GRID1: variants seen among roughly 807,000 people sequenced by gnomAD.
GRID1 encodes glutamate receptor ionotropic, delta-1.
In GRID1, 28 loss-of-function variants were observed where a neutral mutation model predicts 98.0. The observed-to-expected ratio is 0.29, with a 90% CI of 0.21 to 0.39. The LOEUF (loss-of-function observed/expected upper bound fraction) is 0.39. Ranked by LOEUF, GRID1 falls within the 10% of genes least tolerant of loss-of-function variation. The pLI is 1.00. For missense variants in GRID1, 1,111 were observed against 1,340.5 expected, an observed-to-expected ratio of 0.83 and a Z score of 2.67; for synonymous variants, 553 against 538.5, an observed-to-expected ratio of 1.03 and a Z score of -0.37.
At chr10:85,806,995 T>C (rs1842628405) in intron 8 of GRID1, among the ~76,000 whole-genome samples, 2 of 152,146 alleles carry the variant, frequency 1.3e-5, no homozygotes, top group Non-Finnish European at 2.9e-5. Context: ...TACCTTGGAT[T>C]CAGACAAATA....
At chr10:86,132,072 G>T (rs1161003128) in intron 4 of GRID1, among the ~76,000 whole-genome samples, 1 of 152,188 alleles carries the variant, frequency 6.6e-6, no homozygotes, top group Admixed American at 6.5e-5. Context: ...TCAGGAGGCA[G>T]CAGGCTCTGA....
chr10:85,680,382 T>C (rs534806836), intron 12 of GRID1, among the ~76,000 whole-genome samples: 2 of 152,308 alleles, frequency 1.3e-5, no homozygotes, highest in East Asian at 3.9e-4. Flanking sequence ...ACGCAGCTCA[T>C]CTTCCCAAAG....
chr10:86,156,899 G>T (rs984384472), intron 3 of GRID1, among the ~76,000 whole-genome samples: 14 of 152,184 alleles, frequency 9.2e-5, no homozygotes, highest in Non-Finnish European at 2.1e-4. Context: ...GACAAGAGTG[G>T]GAGGTGTGGC....
In GRID1 at chr10:86,300,176, A is replaced by G. The variant is rs540181719; in HGVS notation, c.235+63765T>C. ...AAAATGGGGGATGCATCTACAAGCC[A>G]AAGAAAGCTACGGCACACCAGAAGC... On this transcript the variant is annotated intron_variant, in intron 2 of 15. Coordinates refer to ENST00000327946, the MANE Select transcript of GRID1 (RefSeq NM_017551.3). 3.3e-5 allele frequency among the ~76,000 whole-genome samples: 5 copies of G among 152,202 alleles called. No homozygotes were observed. The East Asian group carries it at 9.7e-4, about 30-fold the overall frequency.
At chr10:85,720,840 G>A (rs546492183) in intron 12 of GRID1, among the ~76,000 whole-genome samples, 15 of 152,236 alleles carry the variant, frequency 9.9e-5, no homozygotes, top group East Asian at 1.9e-4. Flanking sequence ...AGCGTGATTC[G>A]TGAAATAAAT....
chr10:85,953,565 C>A (rs563083430), intron 4 of GRID1, among the ~76,000 whole-genome samples: 1 of 152,302 alleles, frequency 6.6e-6, no homozygotes, highest in Non-Finnish European at 1.5e-5. Flanking sequence ...AACTTCCAGA[C>A]TATGTATAAC....
intron 12 of GRID1, among the ~76,000 whole-genome samples, chr10:85,649,223 G>A (rs1843234713): frequency 1.3e-5 from 2 of 152,282 alleles, no homozygotes; most frequent in South Asian, 2.1e-4. Context: ...CACACAGAAG[G>A]CCCAGCTGTG....
chr10:85,891,426 A>T (rs1841198817), intron 5 of GRID1, among the ~76,000 whole-genome samples: 1 of 152,184 alleles, frequency 6.6e-6, no homozygotes, highest in Admixed American at 6.6e-5. Context: ...AAAAACATAC[A>T]TTCAGAAGGA....
chr10:86,225,838 A>G (rs1846333213), intron 2 of GRID1, among the ~76,000 whole-genome samples: 1 of 152,168 alleles, frequency 6.6e-6, no homozygotes, highest in East Asian at 1.9e-4. Context: ...CCTCAAGCCA[A>G]TGTGCCCTCA....
chr10:85,803,042 G>T (rs772920294), intron 8 of GRID1, among the ~76,000 whole-genome samples: 1 of 152,072 alleles, frequency 6.6e-6, no homozygotes, highest in Admixed American at 6.6e-5. Flanking sequence ...CTGGACAAGA[G>T]GTTGGTTGCC....
chr10:86,014,824 G>C (rs1020585817), intron 4 of GRID1, among the ~76,000 whole-genome samples: 7 of 152,154 alleles, frequency 4.6e-5, no homozygotes, highest in African/African-American at 1.4e-4. Context: ...TGGCCACGCT[G>C]GCCTCTTATC....
intron 4 of GRID1, among the ~76,000 whole-genome samples, chr10:86,129,079 G>T (rs1844797799): frequency 6.6e-6 from 1 of 152,182 alleles, no homozygotes; most frequent in African/African-American, 2.4e-5. Context: ...TATATAAAAT[G>T]TCCTCAGACT....
chr10:85,807,671 A>C (rs1189301273), intron 8 of GRID1, among the ~76,000 whole-genome samples: 2 of 152,190 alleles, frequency 1.3e-5, no homozygotes, highest in East Asian at 3.8e-4. Flanking sequence ...CATGATCAAA[A>C]TGTGATACTA....
chr10:86,264,658 T>C (rs377089201), intron 2 of GRID1: 8 of 466,492 alleles, frequency 1.7e-5, no homozygotes, highest in African/African-American at 4.0e-5. Context: ...GTGGTGAGTC[T>C]GTAACCAGAG....
intron 8 of GRID1, among the ~76,000 whole-genome samples, chr10:85,736,678 A>G (rs868001669): frequency 1.3e-5 from 2 of 152,178 alleles, no homozygotes; most frequent in Middle Eastern, 6.8e-3. Flanking sequence ...GTTTACTTCT[A>G]TTGGAAAGCA....
chr10:86,279,684 T>C (rs1039984785), intron 2 of GRID1, among the ~76,000 whole-genome samples: 2 of 152,182 alleles, frequency 1.3e-5, no homozygotes, highest in African/African-American at 2.4e-5. Flanking sequence ...GGTTTCCTCC[T>C]AAGATCAGAA....
chr10:86,154,893 A>G (rs1351965626), intron 3 of GRID1, among the ~76,000 whole-genome samples: 1 of 152,016 alleles, frequency 6.6e-6, no homozygotes, highest in Non-Finnish European at 1.5e-5. Context: ...CAAGCCCCAC[A>G]CACTCCCCGT....
intron 2 of GRID1, among the ~76,000 whole-genome samples, chr10:86,306,722 C>T (rs949421693): frequency 5.3e-5 from 8 of 152,172 alleles, no homozygotes; most frequent in African/African-American, 1.9e-4. Context: ...AGGTGTCCTC[C>T]AGAAACAGAG....
At chr10:86,307,538 TG>T (rs1225291378) in intron 2 of GRID1, among the ~76,000 whole-genome samples, 1 of 151,890 alleles carries the variant, frequency 6.6e-6, no homozygotes, top group African/African-American at 2.4e-5. Flanking sequence ...GGAGCTGCTG[TG>T]GGGGGGAATG....
Sources: allele counts gnomAD v4.1 joint callset (sites outside exome capture counted in the v4.1 genomes callset), GRCh38; gene constraint gnomAD v4.1.1; transcripts MANE v1.5; gene names NCBI Gene and HGNC (gene_info 2026-07-23, HGNC 2026-07-21).